Variants in ANP32E observed in about 807,000 individuals in gnomAD.
ANP32E encodes acidic nuclear phosphoprotein 32 family member E.
In ANP32E, 14 loss-of-function variants were observed where a neutral mutation model predicts 35.3. The ratio of observed to expected loss-of-function variants is 0.40; its 90% CI spans 0.26 to 0.62. The LOEUF is 0.62. ANP32E is among the 20% of genes least tolerant of loss of function. ANP32E has a pLI of 0.45. For synonymous variants in ANP32E, 89 were observed against 110.4 expected (o/e 0.81, Z 1.22); for missense variants, 198 against 304.4 (o/e 0.65, Z 2.60).
rs1035092222 is a variant in ANP32E at position 150,219,572 on chromosome 1, T to C, written c.*1119A>G. Reference sequence around the variant, plus strand: ...GGCCAACATTAAAATTTGACTTTAATGTCTTATTAATATATCAACAGGCAA... The same window carrying C: ...GGCCAACATTAAAATTTGACTTTAACGTCTTATTAATATATCAACAGGCAA... On this transcript the variant is annotated 3_prime_UTR_variant, in exon 7 of 7. Transcript: ENST00000583931. The C allele has an allele frequency of 6.6e-6, 1 of 152,196 alleles. No individual in the cohort carries two copies. The highest frequency in any genetic ancestry group is 6.5e-5 in the Admixed American group (1 of 15,278). The allele number at this position is 152,196 out of a possible 1,614,324, so 9.4% of individuals were successfully genotyped here.
intron 2 of ANP32E, among the ~76,000 whole-genome samples, 194 bp from the exon 3 acceptor site, chr1:150,230,887 T>C (rs782605240): frequency 3.9e-5 from 6 of 151,952 alleles, no homozygotes; most frequent in Non-Finnish European, 7.4e-5. Context: ...GGATTACAGG[T>C]GCCCACCACC....
intron 4 of ANP32E, 147 bp from the exon 5 acceptor site, chr1:150,226,942 A>G (rs1378363415): frequency 1.7e-6 from 2 of 1,168,880 alleles, no homozygotes; most frequent in East Asian, 5.6e-5. Flanking sequence ...TTTTTTTAAG[A>G]TTTCTGTTTC....
chr1:150,218,519 A>C lies in ANP32E; in HGVS notation c.*2172T>G, dbSNP rs1553836488. 6.6e-6 allele frequency: 1 copy of C among 152,644 alleles called. No individual in the cohort carries two copies. The highest frequency in any genetic ancestry group is 1.5e-5 in the Non-Finnish European group (1 of 68,046). 9.5% of individuals were successfully genotyped at this position (152,644 alleles called of 1,614,324 possible). A position where few individuals can be genotyped will look rare whatever the true frequency, so the allele number is the denominator to read the frequency against. ...AAACAGGGAACAGTCAAAAACAATA[A>C]AAGAATAATCAGGAGTACTGCAAAT... On this transcript the variant is annotated 3_prime_UTR_variant, in exon 7 of 7. Coordinates refer to ENST00000583931, the MANE Select transcript of ANP32E (RefSeq NM_030920.5).
At chr1:150,234,034 A>G (rs1649572884) in intron 1 of ANP32E, among the ~76,000 whole-genome samples, 1 of 152,184 alleles carries the variant, frequency 6.6e-6, no homozygotes, top group East Asian at 1.9e-4. Context: ...CAAGTACGTA[A>G]GGAGGAAAGT....
chr1:150,232,854 C>G (rs1649474818), intron 1 of ANP32E, among the ~76,000 whole-genome samples: 1 of 152,122 alleles, frequency 6.6e-6, no homozygotes. Flanking sequence ...TGAAGAAGTT[C>G]CCATGTGAAA....
intron 3 of ANP32E, among the ~76,000 whole-genome samples, chr1:150,229,527 T>A (rs1553841142): frequency 6.7e-6 from 1 of 149,298 alleles, no homozygotes; most frequent in African/African-American, 2.5e-5. Context: ...TTGCCCAGGC[T>A]GGAGTGCAAT....
intron 3 of ANP32E, among the ~76,000 whole-genome samples, chr1:150,229,444 C>T (rs1344336275): frequency 2.9e-5 from 4 of 140,290 alleles, no homozygotes; most frequent in Non-Finnish European, 4.6e-5. Flanking sequence ...ACTACAGGTG[C>T]GCACCACCAT....
intron 1 of ANP32E, among the ~76,000 whole-genome samples, chr1:150,234,297 G>GTT (rs1172074886): frequency 9.9e-5 from 15 of 151,842 alleles, no homozygotes; most frequent in African/African-American, 2.7e-4. Flanking sequence ...TTTGATTTTG[G>GTT]TTTTTTTATT....
At chr1:150,228,760 C>T (rs1553840787) in intron 4 of ANP32E, among the ~76,000 whole-genome samples, 1 of 151,642 alleles carries the variant, frequency 6.6e-6, no homozygotes, top group Non-Finnish European at 1.5e-5. Context: ...TACTTTCTGG[C>T]TATTATAAGT....
rs587597410 is a variant in ANP32E, at chr1:150,235,230, G to A, written c.54+503C>T. The stretch of plus-strand genomic sequence containing the variant: ...TGCGCGGACCCTGCAAGCGACCCCA[G>A]CCCGCGCCCGTCGCGACGTCGGACG... On this transcript the variant is annotated intron_variant, in intron 1 of 6. Transcript: ENST00000583931. This position sits in a 1 kb window ranked among gnomAD's most constrained non-coding sequence, Gnocchi z 4.2. 1.1e-4 allele frequency among the ~76,000 whole-genome samples: 16 copies of A among 152,346 alleles called. No homozygotes were observed. In the East Asian group the frequency reaches 3.1e-3, roughly 29 times the overall value.
At chr1:150,231,295 A>G (rs1216973479) in intron 2 of ANP32E, among the ~76,000 whole-genome samples, 8 of 152,126 alleles carry the variant, frequency 5.3e-5, no homozygotes, top group Non-Finnish European at 1.2e-4. Context: ...CAATTCCACT[A>G]TTAGATTTAC....
At position 150,220,771 on chromosome 1, in the gene ANP32E, T is replaced by C; in HGVS notation, c.737-10A>G. 3 of 1,611,370 alleles carry C rather than the reference T, an allele frequency of 1.9e-6. No homozygotes were observed. Among genetic ancestry groups the C allele is most frequent in the Non-Finnish European group, 2.5e-6 (3 of 1,178,180 alleles). Reference sequence around the variant, plus strand: ...CGAAGACCTCCTTCTTCTTAAAGAGTGGAAAGAAAAATGCAAAGTGCTTAA... The same window carrying C: ...CGAAGACCTCCTTCTTCTTAAAGAGCGGAAAGAAAAATGCAAAGTGCTTAA... On this transcript the variant is annotated splice_polypyrimidine_tract_variant and intron_variant, in intron 6 of 6. Transcript: ENST00000583931.
chr1:150,229,730 G>A (rs587608495), intron 3 of ANP32E, among the ~76,000 whole-genome samples: 9 of 152,178 alleles, frequency 5.9e-5, no homozygotes, highest in African/African-American at 2.2e-4. Flanking sequence ...TGCCTGCCTC[G>A]GCCTCCCAAG....
intron 1 of ANP32E, among the ~76,000 whole-genome samples, chr1:150,233,812 T>A (rs1379317447): frequency 6.6e-6 from 1 of 152,124 alleles, no homozygotes; most frequent in Non-Finnish European, 1.5e-5. Flanking sequence ...AAGAGGAAAC[T>A]ATGGCCCAGA....
chr1:150,224,984 G>A (rs1189557482), intron 5 of ANP32E, among the ~76,000 whole-genome samples: 1 of 152,136 alleles, frequency 6.6e-6, no homozygotes, highest in East Asian at 1.9e-4. Context: ...CCCTTAAGGA[G>A]CTCACCACTT....
Position 150,235,621 on chromosome 1 carries a change from G to A in ANP32E, c.54+112C>T. 6 of 1,134,380 alleles carry A rather than the reference G, an allele frequency of 5.3e-6. No homozygotes were observed. The South Asian group carries it at 8.5e-5, about 16-fold the overall frequency. 70.3% of individuals were successfully genotyped at this position (1,134,380 alleles called of 1,614,324 possible). ...ACATTTCCCCAACCCTAACCCGGGG[G>A]GATGGGGGCTAACTTATTACTCCAT... On this transcript the variant is annotated intron_variant, in intron 1 of 6. Coordinates refer to ENST00000583931, the MANE Select transcript of ANP32E (RefSeq NM_030920.5). This position sits in a 1 kb window ranked among gnomAD's most constrained non-coding sequence, Gnocchi z 4.2.
rs1553837498 is a variant in ANP32E, at chr1:150,220,773, G to T, written c.737-12C>A. The T allele has an allele frequency of 1.2e-6, 2 of 1,610,530 alleles. No individual in the cohort carries two copies. The highest frequency in any genetic ancestry group is 1.7e-5 in the Admixed American group (1 of 59,896). ...AAGACCTCCTTCTTCTTAAAGAGTGGAAAGAAAAATGCAAAGTGCTTAATT... is the reference window on the plus strand; with the variant it reads ...AAGACCTCCTTCTTCTTAAAGAGTGTAAAGAAAAATGCAAAGTGCTTAATT... On this transcript the variant is annotated splice_polypyrimidine_tract_variant and intron_variant, in intron 6 of 6. Transcript: ENST00000583931.
At position 150,236,095 on chromosome 1, in the gene ANP32E, A is replaced by G. The variant is rs921241297; in HGVS notation, c.-309T>C. On this transcript the variant is annotated 5_prime_UTR_variant, in exon 1 of 7. Coordinates refer to ENST00000583931, the MANE Select transcript of ANP32E (RefSeq NM_030920.5). ...ACACACCCGCAGTTCCTTCCCCTTCAATGGCTGCTCAGAGACTGAGCCTCC... is the reference window on the plus strand; with the variant it reads ...ACACACCCGCAGTTCCTTCCCCTTCGATGGCTGCTCAGAGACTGAGCCTCC... 6.8e-6 allele frequency: 2 copies of G among 295,638 alleles called. No homozygotes were observed. The highest frequency in any genetic ancestry group is 9.8e-5 in the Admixed American group (2 of 20,434). The allele number at this position is 295,638 out of a possible 1,614,324, so 18.3% of individuals were successfully genotyped here.
intron 6 of ANP32E, among the ~76,000 whole-genome samples, 168 bp from the exon 7 acceptor site, chr1:150,220,929 C>T (rs782744654): frequency 7.2e-5 from 11 of 151,854 alleles, no homozygotes; most frequent in Admixed American, 2.6e-4. Context: ...GAGGCCTGGC[C>T]AACAAGGTGA....
Sources: gnomAD v4.1 joint callset for allele counts (sites outside exome capture counted in the v4.1 genomes callset) on GRCh38, gnomAD v4.1.1 for gene constraint, Gnocchi (gnomAD v3.1) non-coding constraint, MANE v1.5 for transcripts, NCBI Gene and HGNC (gene_info 2026-07-23, HGNC 2026-07-21) for gene names.